The following ASIC2 variants were observed in gnomAD, a reference collection of about 807,000 sequenced individuals.
The protein encoded by ASIC2 is acid-sensing ion channel 2.
A neutral mutation model predicts 57.3 loss-of-function variants in ASIC2; 25 were observed. The ratio of observed to expected loss-of-function variants is 0.44; its 90% CI spans 0.32 to 0.61. ASIC2 has a LOEUF of 0.61. Ranked by LOEUF, ASIC2 falls within the 20% of genes least tolerant of loss-of-function variation. ASIC2 has a pLI of 0.06. For missense variants in ASIC2, 641 were observed against 738.1 expected (o/e 0.87, Z 1.52); for synonymous variants, 319 against 307.5 (o/e 1.04, Z -0.39).
At chr17:34,099,129 AGAGAGAGAGAGAGAGACAGAGAGAGAGAG>A (rs1567820704) in intron 1 of ASIC2, among the ~76,000 whole-genome samples, 5 of 28,402 alleles carry the variant, frequency 1.8e-4, no homozygotes, top group African/African-American at 5.8e-4. Flanking sequence ...AGAGAGAGAG[AGAGAGAGAGAGAGAGACAGAGAGAGAGAG>A]AGAGAGAAAG....
At chr17:34,040,239 C>T (rs911058889) in intron 1 of ASIC2, among the ~76,000 whole-genome samples, 19 of 147,298 alleles carry the variant, frequency 1.3e-4, no homozygotes, top group African/African-American at 4.9e-4. Context: ...GGGGGCCACT[C>T]GGGTGCGGCG....
chr17:33,467,858 C>T (rs1321402116), intron 1 of ASIC2, among the ~76,000 whole-genome samples: 1 of 152,224 alleles, frequency 6.6e-6, no homozygotes, highest in Non-Finnish European at 1.5e-5. Context: ...CAAGTTGCGG[C>T]CTGACCACCT....
At chr17:33,375,747 G>A (rs1233606270) in intron 1 of ASIC2, among the ~76,000 whole-genome samples, 3 of 152,150 alleles carry the variant, frequency 2.0e-5, no homozygotes, top group Admixed American at 2.0e-4. Flanking sequence ...ATATTTCTGA[G>A]GGTAGAGCTA....
intron 2 of ASIC2, among the ~76,000 whole-genome samples, chr17:33,089,209 G>A (rs553325634): frequency 1.3e-5 from 2 of 152,246 alleles, no homozygotes; most frequent in East Asian, 1.9e-4. Context: ...TTCTTGAGAC[G>A]GAGAGACTAC....
At chr17:33,138,538 G>T (rs975270549) in intron 1 of ASIC2, among the ~76,000 whole-genome samples, 18 of 152,296 alleles carry the variant, frequency 1.2e-4, no homozygotes, top group African/African-American at 4.1e-4. Context: ...TTCCTGCCAA[G>T]AATTTGACCA....
intron 1 of ASIC2, among the ~76,000 whole-genome samples, chr17:34,110,192 C>T (rs1398380491): frequency 2.0e-5 from 3 of 152,128 alleles, no homozygotes; most frequent in Non-Finnish European, 2.9e-5. Context: ...AGAGAGTCCC[C>T]AGTCTTGCCT....
intron 1 of ASIC2, among the ~76,000 whole-genome samples, chr17:33,212,187 T>C (rs1013205729): frequency 3.9e-5 from 6 of 152,196 alleles, no homozygotes; most frequent in African/African-American, 1.2e-4. Context: ...ATCGTGAATA[T>C]TACCTTATAA....
Position 33,515,485 on chromosome 17 carries a change from T to C in ASIC2, c.556-403418A>G, listed in dbSNP as rs540958416. On this transcript the variant is annotated intron_variant, in intron 1 of 9. Coordinates refer to the ASIC2 transcript ENST00000359872. ...TCTCTCAGCCCTGTTTTCTTCTCTG[T>C]AAAATGGAGATGAGAATACTCACGT... 5.9e-5 allele frequency among the ~76,000 whole-genome samples: 9 copies of C among 152,340 alleles called. No individual in the cohort carries two copies. In the South Asian group the frequency reaches 1.9e-3, roughly 32 times the overall value.
In ASIC2 at chr17:33,592,274, CA is replaced by C. The variant is rs556078763; in HGVS notation, c.556-480208del. On this transcript the variant is annotated intron_variant, in intron 1 of 9. Coordinates refer to the ASIC2 transcript ENST00000359872. ...CCCCTGCTCTGTGTCCCAGTGCTGG[CA>C]TTCTGCCCTATTCTGACAAAGATCA... Among the ~76,000 whole-genome samples, 728 of 152,354 alleles carry C rather than the reference CA, an allele frequency of 4.8e-3. 3 individuals carry two copies. Among genetic ancestry groups the C allele is most frequent in the African/African-American group, 0.016 (675 of 41,582 alleles).
intron 1 of ASIC2, chr17:34,038,318 C>A: frequency 4.3e-6 from 7 of 1,610,216 alleles, no homozygotes; most frequent in Non-Finnish European, 5.9e-6. Flanking sequence ...TAATACTGTA[C>A]AAAACGAGTC....
intron 1 of ASIC2, among the ~76,000 whole-genome samples, chr17:34,056,302 C>T (rs944368438): frequency 6.6e-6 from 1 of 152,160 alleles, no homozygotes; most frequent in Admixed American, 6.5e-5. Context: ...AAGAGGCTGA[C>T]CCACCATCAC....
intron 1 of ASIC2, among the ~76,000 whole-genome samples, chr17:33,954,249 T>C (rs887505461): frequency 6.6e-6 from 1 of 152,062 alleles, no homozygotes; most frequent in Non-Finnish European, 1.5e-5. Context: ...AGCCCTGAGA[T>C]GGGGAGGAGT....
intron 1 of ASIC2, among the ~76,000 whole-genome samples, chr17:33,262,982 G>A (rs1567802812): frequency 6.6e-6 from 1 of 152,142 alleles, no homozygotes. Context: ...AAAAAGATGC[G>A]AGAAGACTTG....
chr17:34,007,349 A>G (rs1906561218), intron 1 of ASIC2, among the ~76,000 whole-genome samples: 1 of 152,170 alleles, frequency 6.6e-6, no homozygotes, highest in African/African-American at 2.4e-5. Context: ...TAAACTACTC[A>G]CCCTGGGGAG....
At chr17:33,616,505 C>T (rs1302923915) in intron 1 of ASIC2, among the ~76,000 whole-genome samples, 1 of 152,210 alleles carries the variant, frequency 6.6e-6, no homozygotes, top group Non-Finnish European at 1.5e-5. Flanking sequence ...GAGCAAGTCA[C>T]TTAAACCCTC....
At chr17:33,746,312 GTACACATA>G (rs1230253754) in intron 1 of ASIC2, among the ~76,000 whole-genome samples, 1 of 145,870 alleles carries the variant, frequency 6.9e-6, no homozygotes, top group Non-Finnish European at 1.5e-5. Flanking sequence ...GTATATACAT[GTACACATA>G]TATACATATA....
intron 1 of ASIC2, among the ~76,000 whole-genome samples, chr17:33,914,530 A>T (rs1170513900): frequency 1.3e-5 from 2 of 152,192 alleles, no homozygotes; most frequent in African/African-American, 4.8e-5. Flanking sequence ...TTACAACTGC[A>T]GGAACAGGCT....
intron 1 of ASIC2, among the ~76,000 whole-genome samples, chr17:33,505,912 AT>A (rs1464951756): frequency 6.6e-6 from 1 of 152,196 alleles, no homozygotes. Context: ...ATTAGAGTTT[AT>A]TTGTGTACCT....
rs1045898403 is a variant in ASIC2 at position 34,069,017 on chromosome 17, C to T, written c.555+86961G>A. Among the ~76,000 whole-genome samples the T allele has an allele frequency of 5.9e-5, 9 of 152,222 alleles. No homozygotes were observed. In the East Asian group the frequency reaches 1.3e-3, roughly 23 times the overall value. On this transcript the variant is annotated intron_variant, in intron 1 of 9. Transcript: ENST00000359872. ...TCAAAGCCAAATGAAAGGAAGACCA[C>T]GATGTGCTGAAGCTGGCTCCCACTG...
Sources: gnomAD v4.1 joint callset for allele counts (sites outside exome capture counted in the v4.1 genomes callset) on GRCh38, gnomAD v4.1.1 for gene constraint, MANE v1.5 for transcripts, NCBI Gene and HGNC (gene_info 2026-07-23, HGNC 2026-07-21) for gene names.